PUDP: variants seen among roughly 807,000 people sequenced by gnomAD.
PUDP encodes pseudouridine-5'-phosphatase.
Under a neutral mutation model 9.4 loss-of-function variants are expected in PUDP, and 8 were observed. That is an observed-to-expected ratio of 0.85 (90% CI 0.50 to 1.53). PUDP has a LOEUF of 1.53. Among genes scored for constraint, PUDP ranks in the 40% most tolerant of loss-of-function variants. The probability of loss-of-function intolerance (pLI) is 0.00; values close to 1 mark genes in which losing one functional copy is unlikely to be tolerated. For missense variants in PUDP, 188 were observed against 189.7 expected, an observed-to-expected ratio of 0.99 and a Z score of 0.05; for synonymous variants, 99 against 80.7, an observed-to-expected ratio of 1.23 and a Z score of -1.22.
chrX:7,070,268 A>G (rs1239677164), intron 3 of PUDP, among the ~76,000 whole-genome samples: 2 of 112,259 alleles, frequency 1.8e-5, no homozygotes, highest in African/African-American at 6.5e-5. Flanking sequence ...GGTTTTTTAA[A>G]TAACGAAAGA....
chrX:6,785,603 T>C (rs1238070383), intron 3 of PUDP, among the ~76,000 whole-genome samples: 1 of 109,612 alleles, frequency 9.1e-6, no homozygotes, highest in Non-Finnish European at 1.9e-5. Flanking sequence ...AAGTTTACTA[T>C]AAGAAAAAAA....
intron 3 of PUDP, among the ~76,000 whole-genome samples, chrX:6,739,463 T>C (rs1400058940): frequency 1.8e-5 from 2 of 111,462 alleles, no homozygotes; most frequent in South Asian, 3.9e-4. Flanking sequence ...CCAGGGACAT[T>C]TGGCCATGTC....
At chrX:7,012,511 CAG>C (rs1929491626) in intron 1 of PUDP, among the ~76,000 whole-genome samples, 1 of 111,522 alleles carries the variant, frequency 9.0e-6, no homozygotes, top group African/African-American at 3.3e-5. Context: ...TTCTGCTTGG[CAG>C]AGTCATCGGT....
At chrX:6,948,219 G>A (rs748669812) in intron 3 of PUDP, among the ~76,000 whole-genome samples, 2 of 111,823 alleles carry the variant, frequency 1.8e-5, no homozygotes, top group Admixed American at 9.5e-5. Context: ...ACAGCTATTT[G>A]CAGGCTTTAG....
intron 3 of PUDP, among the ~76,000 whole-genome samples, chrX:7,070,435 T>C (rs990667574): frequency 1.8e-5 from 2 of 110,834 alleles, no homozygotes; most frequent in Non-Finnish European, 3.8e-5. Flanking sequence ...TGGCAAACAA[T>C]GGCAGGTGAC....
chrX:6,744,713 T>G (rs903908153), intron 3 of PUDP, among the ~76,000 whole-genome samples: 1 of 111,457 alleles, frequency 9.0e-6, no homozygotes, highest in Non-Finnish European at 1.9e-5. Flanking sequence ...TCACTGACCC[T>G]AACAGCTATG....
intron 3 of PUDP, among the ~76,000 whole-genome samples, chrX:6,794,214 C>T (rs980612108): frequency 1.8e-5 from 2 of 112,384 alleles, no homozygotes; most frequent in Admixed American, 9.4e-5. Flanking sequence ...ATGTGATAAC[C>T]TACAACACAC....
At chrX:6,915,233 T>G (rs1927911750) in intron 3 of PUDP, among the ~76,000 whole-genome samples, 1 of 112,479 alleles carries the variant, frequency 8.9e-6, no homozygotes, top group Non-Finnish European at 1.9e-5. Context: ...AATACATGGT[T>G]TGTTTTCAGT....
chrX:6,742,460 A>G (rs1028842968), intron 3 of PUDP, among the ~76,000 whole-genome samples: 10 of 112,552 alleles, frequency 8.9e-5, no homozygotes, highest in Non-Finnish European at 1.7e-4. Flanking sequence ...AACATTTGCT[A>G]TCTGGCCCTT....
At chrX:6,979,592 T>C (rs937829725) in intron 1 of PUDP, among the ~76,000 whole-genome samples, 2 of 112,003 alleles carry the variant, frequency 1.8e-5, no homozygotes, top group Admixed American at 9.5e-5. Context: ...AATCATTTTA[T>C]TGGAAAATGA....
intron 1 of PUDP, among the ~76,000 whole-genome samples, chrX:7,144,448 C>G (rs1033211662): frequency 1.2e-4 from 13 of 112,166 alleles, no homozygotes; most frequent in Non-Finnish European, 2.3e-4. Flanking sequence ...AACACACTCA[C>G]GCTATGTCTG....
In PUDP at chrX:6,956,431, A is replaced by G. The variant is rs759423904; in HGVS notation, c.*247+20702T>C. Reference sequence around the variant, plus strand: ...AAAAAAAAATCAAACTATCTTTATCAGTAAAGTATAGAAATGCATGCAGTA... The same window carrying G: ...AAAAAAAAATCAAACTATCTTTATCGGTAAAGTATAGAAATGCATGCAGTA... On this transcript the variant is annotated intron_variant and NMD_transcript_variant, in intron 3 of 3. Transcript: ENST00000655425. Among the ~76,000 whole-genome samples, 222 of 111,154 alleles carry G rather than the reference A, an allele frequency of 2.0e-3. 1 individual carries two copies. Among genetic ancestry groups the G allele is most frequent in the Admixed American group, 6.7e-3 (69 of 10,366 alleles).
intron 3 of PUDP, among the ~76,000 whole-genome samples, chrX:6,938,999 T>C (rs770159238): frequency 9.0e-6 from 1 of 110,637 alleles, no homozygotes; most frequent in South Asian, 3.7e-4. Context: ...ATTATCTTTT[T>C]ACAAACTCAT....
chrX:6,956,980 G>A (rs1336299299), intron 3 of PUDP, among the ~76,000 whole-genome samples: 1 of 112,246 alleles, frequency 8.9e-6, no homozygotes, highest in Admixed American at 9.5e-5. Flanking sequence ...AGATGAGAAT[G>A]AGAATGGATT....
intron 3 of PUDP, among the ~76,000 whole-genome samples, chrX:6,956,359 G>C (rs1461567093): frequency 1.8e-5 from 2 of 109,690 alleles, no homozygotes; most frequent in African/African-American, 6.7e-5. Context: ...TCTTCAGTGG[G>C]GGCAAACATT....
intron 3 of PUDP, among the ~76,000 whole-genome samples, chrX:6,874,446 T>C (rs931765240): frequency 8.9e-6 from 1 of 112,402 alleles, no homozygotes; most frequent in East Asian, 2.8e-4. Flanking sequence ...AGACCACCAA[T>C]AGAGATGTAA....
intron 3 of PUDP, among the ~76,000 whole-genome samples, chrX:6,752,281 G>C (rs1348570917): frequency 9.0e-6 from 1 of 111,414 alleles, no homozygotes; most frequent in Non-Finnish European, 1.9e-5. Flanking sequence ...TCAACCAGGA[G>C]GCAGCACCCC....
At chrX:6,848,767 T>A (rs921489923) in intron 3 of PUDP, among the ~76,000 whole-genome samples, 48 of 111,586 alleles carry the variant, frequency 4.3e-4, no homozygotes, top group African/African-American at 1.4e-3. Flanking sequence ...AGTCTGGGAC[T>A]TCCCCCCACT....
chrX:6,878,420 G>A (rs189650271), intron 3 of PUDP, among the ~76,000 whole-genome samples: 47 of 108,079 alleles, frequency 4.3e-4, no homozygotes, highest in African/African-American at 1.5e-3. Flanking sequence ...AGGCTGAGGT[G>A]TAGTGGCACA....
Sources: gnomAD v4.1 joint callset for allele counts (sites outside exome capture counted in the v4.1 genomes callset) on GRCh38, gnomAD v4.1.1 for gene constraint, MANE v1.5 for transcripts, NCBI Gene and HGNC (gene_info 2026-07-23, HGNC 2026-07-21) for gene names.